KCNU1: variants seen among roughly 807,000 people sequenced by gnomAD.
The protein encoded by KCNU1 is potassium channel subfamily U member 1.
In KCNU1, 93 loss-of-function variants were observed where a neutral mutation model predicts 126.8. That is an observed-to-expected ratio of 0.73 (90% CI 0.62 to 0.87). The LOEUF is 0.87. KCNU1 is among the 40% of genes least tolerant of loss of function. KCNU1 has a pLI of 0.00. For missense variants in KCNU1, 1,330 were observed against 1,367.1 expected, an observed-to-expected ratio of 0.97 and a Z score of 0.43; for synonymous variants, 523 against 494.2, an observed-to-expected ratio of 1.06 and a Z score of -0.77.
intron 19 of KCNU1, among the ~76,000 whole-genome samples, chr8:36,890,978 A>G (rs778009342): frequency 6.6e-6 from 1 of 151,768 alleles, no homozygotes; most frequent in Non-Finnish European, 1.5e-5. Flanking sequence ...AATGAAATAC[A>G]TATTTTATGA....
intron 24 of KCNU1, among the ~76,000 whole-genome samples, chr8:36,923,842 A>G (rs988426774): frequency 3.9e-5 from 6 of 152,220 alleles, no homozygotes; most frequent in Admixed American, 2.0e-4. Context: ...GAGGTTGCTT[A>G]CGAAAGGTTT....
At chr8:36,802,915 G>A (rs1260344495) in intron 2 of KCNU1, among the ~76,000 whole-genome samples, 1 of 152,172 alleles carries the variant, frequency 6.6e-6, no homozygotes, top group African/African-American at 2.4e-5. Context: ...AGAGGAGCTA[G>A]AGAAATGTTT....
chr8:36,800,662 C>G (rs1315631470), intron 2 of KCNU1, among the ~76,000 whole-genome samples: 1 of 152,220 alleles, frequency 6.6e-6, no homozygotes, highest in Non-Finnish European at 1.5e-5. Flanking sequence ...CCAGCTCTTC[C>G]AGATTTTGCT....
At chr8:36,854,749 G>T (rs1805473287) in intron 18 of KCNU1, among the ~76,000 whole-genome samples, 1 of 152,018 alleles carries the variant, frequency 6.6e-6, no homozygotes, top group Non-Finnish European at 1.5e-5. Context: ...TGTCTATTGA[G>T]AGCCTTTTTC....
At chr8:36,935,473 C>T (rs745466836) in intron 26 of KCNU1, 42 bp from the exon 27 acceptor site, 1 of 1,515,620 alleles carries the variant, frequency 6.6e-7, no homozygotes, top group Non-Finnish European at 8.9e-7. Context: ...CCACACTGGC[C>T]AGCTGCAGAA....
At chr8:36,883,126 T>C (rs1455859430) in intron 19 of KCNU1, among the ~76,000 whole-genome samples, 1 of 152,214 alleles carries the variant, frequency 6.6e-6, no homozygotes, top group African/African-American at 2.4e-5. Context: ...AGGTTAAAAT[T>C]CACCAGGCTG....
chr8:36,800,991 G>T (rs1296381412), intron 2 of KCNU1, among the ~76,000 whole-genome samples: 1 of 152,114 alleles, frequency 6.6e-6, no homozygotes, highest in East Asian at 1.9e-4. Context: ...TTTTCCTTAG[G>T]GGTGTTTCTG....
intron 2 of KCNU1, among the ~76,000 whole-genome samples, chr8:36,793,885 C>G (rs960385223): frequency 1.3e-5 from 2 of 151,908 alleles, no homozygotes; most frequent in African/African-American, 4.8e-5. Flanking sequence ...GAAACCCCGT[C>G]TCTACTAAAT....
At position 36,864,433 on chromosome 8, in the gene KCNU1, C is replaced by G. The variant is rs775966134; in HGVS notation, c.1921C>G (p.Leu641Val). ...VPSVKRMKKC[L>V]KGISSRISGQ... ...ATCGGTAAAGAGAATGAAAAAATGT[C>G]TGAAGGGAATCTCCTCTCGTATATC... Residue 641 changes from leucine (L) to valine (V), a missense_variant, in exon 19 of 27, where the codon CTG becomes GTG. Leu to Val is a conservative substitution (Grantham distance 32). Transcript: ENST00000399881. 6.2e-7 allele frequency: 1 copy of G among 1,611,136 alleles called. No individual in the cohort carries two copies. Among genetic ancestry groups the G allele is most frequent in the African/African-American group, 1.3e-5 (1 of 74,848 alleles).
intron 10 of KCNU1, among the ~76,000 whole-genome samples, chr8:36,829,586 T>G (rs925911599): frequency 6.6e-6 from 1 of 151,294 alleles, no homozygotes; most frequent in Non-Finnish European, 1.5e-5. Flanking sequence ...TTTTTTATAG[T>G]TGACAAGCTT....
intron 14 of KCNU1, among the ~76,000 whole-genome samples, chr8:36,837,681 G>C (rs1477144548): frequency 1.3e-5 from 2 of 152,194 alleles, no homozygotes; most frequent in African/African-American, 4.8e-5. Flanking sequence ...GACAAAGTAA[G>C]GGGCTAAAAG....
chr8:36,873,955 TATC>T (rs1429463764), intron 19 of KCNU1, among the ~76,000 whole-genome samples: 2 of 152,178 alleles, frequency 1.3e-5, no homozygotes, highest in Non-Finnish European at 2.9e-5. Flanking sequence ...CCTGCTGAAA[TATC>T]ATTATTAAAA....
At chr8:36,836,213 T>C in intron 12 of KCNU1, 83 bp from the exon 13 acceptor site, 1 of 849,568 alleles carries the variant, frequency 1.2e-6, no homozygotes, top group South Asian at 1.5e-5. Flanking sequence ...TACCTACATA[T>C]CAATTTAACT....
intron 2 of KCNU1, among the ~76,000 whole-genome samples, chr8:36,792,987 A>G (rs1224717980): frequency 6.6e-6 from 1 of 152,204 alleles, no homozygotes; most frequent in Non-Finnish European, 1.5e-5. Context: ...GAAAAACCCA[A>G]ATGTGGCACA....
At chr8:36,879,234 T>TAC (rs1806386112) in intron 19 of KCNU1, among the ~76,000 whole-genome samples, 2 of 143,638 alleles carry the variant, frequency 1.4e-5, no homozygotes, top group African/African-American at 5.1e-5. Context: ...TATATATATA[T>TAC]ATATACACAC....
At chr8:36,877,537 A>T (rs1208221369) in intron 19 of KCNU1, among the ~76,000 whole-genome samples, 2 of 152,112 alleles carry the variant, frequency 1.3e-5, no homozygotes, top group Non-Finnish European at 2.9e-5. Context: ...TTCTGATCTC[A>T]GGTGATCCTC....
intron 2 of KCNU1, among the ~76,000 whole-genome samples, chr8:36,788,542 T>C (rs1280098491): frequency 6.6e-6 from 1 of 152,234 alleles, no homozygotes; most frequent in Non-Finnish European, 1.5e-5. Flanking sequence ...CTCTGTTTTT[T>C]ATAACTAGCA....
intron 19 of KCNU1, among the ~76,000 whole-genome samples, chr8:36,873,913 A>T (rs1806192628): frequency 6.6e-6 from 1 of 152,168 alleles, no homozygotes; most frequent in African/African-American, 2.4e-5. Flanking sequence ...AATTTACAAC[A>T]ACAACAACAG....
intron 23 of KCNU1, among the ~76,000 whole-genome samples, chr8:36,920,157 G>A (rs1001076138): frequency 5.9e-5 from 9 of 152,022 alleles, no homozygotes; most frequent in Admixed American, 5.2e-4. Context: ...TTGGTTCTCT[G>A]TATCTGTGAG....
Sources: allele counts gnomAD v4.1 joint callset (sites outside exome capture counted in the v4.1 genomes callset), GRCh38; gene constraint gnomAD v4.1.1; transcripts MANE v1.5; gene names NCBI Gene and HGNC (gene_info 2026-07-23, HGNC 2026-07-21).